The following TRAK2 variants were observed in gnomAD, a reference collection of about 807,000 sequenced individuals.
TRAK2 encodes trafficking kinesin protein 2.
In TRAK2, 81 loss-of-function variants were observed where a neutral mutation model predicts 104.6. That is an observed-to-expected ratio of 0.77 (90% CI 0.65 to 0.93). The LOEUF (loss-of-function observed/expected upper bound fraction) is 0.93, where lower values mean the gene tolerates loss of function less well. Among genes scored for constraint, TRAK2 ranks in the 40% least tolerant of loss-of-function variants. The pLI is 0.00. For synonymous variants in TRAK2, 406 were observed against 394.4 expected, an observed-to-expected ratio of 1.03 and a Z score of -0.35; for missense variants, 1,002 against 1,089.0, an observed-to-expected ratio of 0.92 and a Z score of 1.12.
chr2:201,427,692 T>C (rs996097981), intron 1 of TRAK2, among the ~76,000 whole-genome samples: 3 of 152,222 alleles, frequency 2.0e-5, no homozygotes, highest in African/African-American at 7.2e-5. Context: ...TACCCAGTAA[T>C]GGGACGGCTG....
intron 1 of TRAK2, among the ~76,000 whole-genome samples, chr2:201,448,014 C>T (rs1951976812): frequency 6.6e-6 from 1 of 152,176 alleles, no homozygotes; most frequent in Non-Finnish European, 1.5e-5. Context: ...CAGTGTGTGG[C>T]ACACAGAAGG....
intron 1 of TRAK2, among the ~76,000 whole-genome samples, chr2:201,440,462 G>T (rs551224519): frequency 6.6e-6 from 1 of 152,310 alleles, no homozygotes; most frequent in South Asian, 2.1e-4. Flanking sequence ...CAGCACCAGG[G>T]ATTTAGCTGG....
At position 201,380,833 on chromosome 2, in the gene TRAK2, T is replaced by C; in HGVS notation, c.2455A>G (p.Arg819Gly). ...ACATCAGGAGGGTTCCGGGAGGGTCTCAAGCCATACATCTCCTGGAGGAAT... is the reference window on the plus strand; with the variant it reads ...ACATCAGGAGGGTTCCGGGAGGGTCCCAAGCCATACATCTCCTGGAGGAAT... ...ETFLQEMYGLRPSRNPPDVGQ... is the reference protein window; with the variant it reads ...ETFLQEMYGLGPSRNPPDVGQ... Residue 819 changes from arginine (R) to glycine (G), a missense_variant, in exon 16 of 16, where the codon AGA becomes GGA. Transcript: ENST00000332624. 6.2e-7 allele frequency: 1 copy of C among 1,614,060 alleles called. No individual in the cohort carries two copies. Among genetic ancestry groups the C allele is most frequent in the Non-Finnish European group, 8.5e-7 (1 of 1,179,986 alleles).
intron 1 of TRAK2, among the ~76,000 whole-genome samples, chr2:201,436,085 AG>A (rs1951878367): frequency 6.6e-6 from 1 of 152,236 alleles, no homozygotes. Flanking sequence ...AATAAAATAT[AG>A]TTACCATATT....
At chr2:201,398,766 A>G (rs1951523905) in intron 5 of TRAK2, among the ~76,000 whole-genome samples, 1 of 152,108 alleles carries the variant, frequency 6.6e-6, no homozygotes, top group African/African-American at 2.4e-5. Context: ...TTTAAGATGT[A>G]TATCACTGTG....
In TRAK2 at chr2:201,414,964, C is replaced by T. The variant is rs904127146; in HGVS notation, c.91+5453G>A. Among the ~76,000 whole-genome samples, 4 of 44,398 alleles carry T rather than the reference C, an allele frequency of 9.0e-5. No individual in the cohort carries two copies. In the Admixed American group the frequency reaches 9.1e-4, roughly 10 times the overall value. 29.1% of individuals were successfully genotyped at this position (44,398 alleles called of 152,430 possible). A position where few individuals can be genotyped will look rare whatever the true frequency, so the allele number is the denominator to read the frequency against. On this transcript the variant is annotated intron_variant, in intron 2 of 15. Coordinates refer to ENST00000332624, the MANE Select transcript of TRAK2 (RefSeq NM_015049.3). The stretch of plus-strand genomic sequence containing the variant: ...ATTAAAAATAAGTGTACAATCCAGG[C>T]TTAGTAGATTAAGCTAAATATTCTT...
intron 3 of TRAK2, among the ~76,000 whole-genome samples, chr2:201,401,970 A>G (rs546495628): frequency 7.2e-5 from 11 of 152,214 alleles, no homozygotes; most frequent in African/African-American, 2.4e-4. Flanking sequence ...TGAAGTGTGA[A>G]AAGGACAGGG....
intron 6 of TRAK2, 97 bp downstream of exon 6, chr2:201,398,048 C>CA: frequency 8.5e-7 from 1 of 1,178,052 alleles, no homozygotes; most frequent in South Asian, 1.4e-5. Context: ...ATGCCAATAG[C>CA]AAATCCTTAC....
At chr2:201,432,949 C>CA (rs770115968) in intron 1 of TRAK2, among the ~76,000 whole-genome samples, 2 of 152,180 alleles carry the variant, frequency 1.3e-5, no homozygotes, top group East Asian at 3.8e-4. Flanking sequence ...ACCAATTCAG[C>CA]AATAGCTCTC....
At position 201,420,450 on chromosome 2, in the gene TRAK2, T is replaced by C; in HGVS notation, c.58A>G (p.Asn20Asp). ...TSPTGEENLM[N>D]SNHRDSESIT... ...CTCTCCGAGTCTCTGTGATTGCTAT[T>C]CATGAGGTTTTCTTCACCTGTTGGT... The change falls in exon 2 of 16, where the codon AAT becomes GAT. Residue 20 changes from asparagine (N) to aspartate (D), a missense_variant. Transcript: ENST00000332624. 1 of 1,614,084 alleles carries C rather than the reference T, an allele frequency of 6.2e-7. No homozygotes were observed. Among genetic ancestry groups the C allele is most frequent in the Non-Finnish European group, 8.5e-7 (1 of 1,179,970 alleles).
rs113173196 is a variant in TRAK2, at chr2:201,389,205, T to C, written c.1397+95A>G. ...GAAAACTGACAGTTCCAGAACCTTC[T>C]TGGGACAGTAGAGTAATGCTGGAAT... On this transcript the variant is annotated intron_variant, in intron 12 of 15. Coordinates refer to ENST00000332624, the MANE Select transcript of TRAK2 (RefSeq NM_015049.3). 2.3e-5 allele frequency: 28 copies of C among 1,212,520 alleles called. 1 individual carries two copies. The highest frequency in any genetic ancestry group is 1.2e-4 in the African/African-American group (8 of 67,306). 75.1% of individuals were successfully genotyped at this position (1,212,520 alleles called of 1,614,324 possible).
At chr2:201,409,324 C>G (rs1440037124) in intron 2 of TRAK2, among the ~76,000 whole-genome samples, 1 of 150,438 alleles carries the variant, frequency 6.6e-6, no homozygotes, top group Middle Eastern at 3.2e-3. Context: ...TGAAAAAATA[C>G]GGCAGAAATC....
intron 1 of TRAK2, among the ~76,000 whole-genome samples, chr2:201,426,139 A>G (rs1462718598): frequency 6.6e-6 from 1 of 152,184 alleles, no homozygotes; most frequent in Non-Finnish European, 1.5e-5. Context: ...GCATAGCAGG[A>G]GGTGGGTAAG....
intron 2 of TRAK2, among the ~76,000 whole-genome samples, chr2:201,417,122 GA>G (rs1951699129): frequency 7.2e-6 from 1 of 139,780 alleles, no homozygotes; most frequent in Non-Finnish European, 1.5e-5. Flanking sequence ...GTAAAAACAT[GA>G]AAAATAAGAT....
At chr2:201,390,795 G>A (rs886722263) in intron 10 of TRAK2, among the ~76,000 whole-genome samples, 1 of 151,494 alleles carries the variant, frequency 6.6e-6, no homozygotes, top group African/African-American at 2.4e-5. Flanking sequence ...TAATAAACAT[G>A]CATAGCTTTT....
intron 1 of TRAK2, among the ~76,000 whole-genome samples, chr2:201,427,231 T>G (rs1951797166): frequency 6.6e-6 from 1 of 152,176 alleles, no homozygotes; most frequent in African/African-American, 2.4e-5. Context: ...TGTGCAGGTT[T>G]GTTACATATG....
intron 1 of TRAK2, among the ~76,000 whole-genome samples, chr2:201,428,699 G>A (rs552085140): frequency 3.3e-5 from 5 of 152,294 alleles, no homozygotes; most frequent in African/African-American, 1.2e-4. Flanking sequence ...TTCCAATTCT[G>A]TGAAGGAAGT....
At chr2:201,410,009 G>T (rs1333894937) in intron 2 of TRAK2, among the ~76,000 whole-genome samples, 1 of 152,204 alleles carries the variant, frequency 6.6e-6, no homozygotes, top group Non-Finnish European at 1.5e-5. Context: ...TTAAAAACCT[G>T]AAGAGGGGCC....
At chr2:201,436,618 G>C (rs371533658) in intron 1 of TRAK2, among the ~76,000 whole-genome samples, 1 of 152,332 alleles carries the variant, frequency 6.6e-6, no homozygotes, top group South Asian at 2.1e-4. Context: ...AAGTCAAGAA[G>C]AGGTAGAAAA....
Sources: allele counts gnomAD v4.1 joint callset (sites outside exome capture counted in the v4.1 genomes callset), GRCh38; gene constraint gnomAD v4.1.1; transcripts MANE v1.5; gene names NCBI Gene and HGNC (gene_info 2026-07-23, HGNC 2026-07-21).